Variants in STIM1 observed in about 807,000 individuals in gnomAD.
STIM1 encodes the protein stromal interaction molecule 1.
In STIM1, 25 loss-of-function variants were observed where a neutral mutation model predicts 74.7. The ratio of observed to expected loss-of-function variants is 0.33; its 90% confidence interval spans 0.24 to 0.47. The LOEUF (loss-of-function observed/expected upper bound fraction) is 0.47, where lower values mean the gene tolerates loss of function less well. STIM1 is among the 20% of genes least tolerant of loss of function. The pLI, the probability that STIM1 is intolerant of heterozygous loss-of-function variation, is 1.00. For synonymous variants in STIM1, 328 were observed against 348.8 expected (o/e 0.94, Z 0.66); for missense variants, 728 against 920.8 (o/e 0.79, Z 2.71).
At chr11:3,870,028 G>A (rs2091022805) in intron 1 of STIM1, among the ~76,000 whole-genome samples, 1 of 152,186 alleles carries the variant, frequency 6.6e-6, no homozygotes. Flanking sequence ...CAGTGCTAGG[G>A]GATGATTAGT....
At chr11:3,880,460 G>A (rs1355936166) in intron 1 of STIM1, among the ~76,000 whole-genome samples, 3 of 152,160 alleles carry the variant, frequency 2.0e-5, no homozygotes, top group Non-Finnish European at 4.4e-5. Flanking sequence ...ATAGTTTGTG[G>A]ACAGCTGGGG....
At chr11:3,969,103 A>G (rs2093367161) in intron 2 of STIM1, among the ~76,000 whole-genome samples, 1 of 152,214 alleles carries the variant, frequency 6.6e-6, no homozygotes, top group South Asian at 2.1e-4. Flanking sequence ...TAAAGAATTG[A>G]CTAATAGTGA....
chr11:3,861,425 A>G (rs1272076334), intron 1 of STIM1, among the ~76,000 whole-genome samples: 3 of 152,026 alleles, frequency 2.0e-5, no homozygotes, highest in Non-Finnish European at 4.4e-5. Context: ...TAGTAGAGAC[A>G]GGGTTTCACC....
intron 7 of STIM1, among the ~76,000 whole-genome samples, chr11:4,076,233 C>T (rs765940334): frequency 9.9e-5 from 15 of 151,898 alleles, no homozygotes; most frequent in Admixed American, 2.6e-4. Flanking sequence ...TGACTGTAAT[C>T]GCAGCAGTTT....
In STIM1 at chr11:3,902,435, G is replaced by A. The variant is rs149732868; in HGVS notation, c.139+46026G>A. On this transcript the variant is annotated intron_variant, in intron 1 of 12. Transcript: ENST00000526596. ...CAAGATAATTTTTCCACAGACCAGG[G>A]TGCGGGGTGGGGATGATTTTGGGAT... 2.8e-3 allele frequency among the ~76,000 whole-genome samples: 425 copies of A among 152,294 alleles called. 2 individuals carry two copies. Among genetic ancestry groups the A allele is most frequent in the Non-Finnish European group, 4.4e-3 (299 of 68,014 alleles).
chr11:4,089,800 TG>T (rs1305918045), intron 12 of STIM1, among the ~76,000 whole-genome samples: 3 of 152,230 alleles, frequency 2.0e-5, no homozygotes, highest in Non-Finnish European at 4.4e-5. Context: ...GGTCCTATGG[TG>T]GTCTCCTTTT....
At chr11:3,863,231 T>C (rs2090703876) in intron 1 of STIM1, among the ~76,000 whole-genome samples, 1 of 60,186 alleles carries the variant, frequency 1.7e-5, no homozygotes, top group African/African-American at 9.5e-5. Context: ...TGTGTGTGTG[T>C]GTGTGTGTGT....
chr11:4,037,442 C>T (rs2094113365), intron 3 of STIM1, among the ~76,000 whole-genome samples: 1 of 152,132 alleles, frequency 6.6e-6, no homozygotes, highest in Admixed American at 6.6e-5. Context: ...GTTTCTGGTT[C>T]ACGTATTTTG....
At chr11:3,989,878 T>TA (rs1020464433) in intron 2 of STIM1, among the ~76,000 whole-genome samples, 5 of 152,202 alleles carry the variant, frequency 3.3e-5, no homozygotes, top group Non-Finnish European at 7.3e-5. Flanking sequence ...CTATCAATTT[T>TA]AAAAAAACAG....
chr11:3,939,015 T>A (rs1489333453), intron 1 of STIM1, among the ~76,000 whole-genome samples: 1 of 152,232 alleles, frequency 6.6e-6, no homozygotes, highest in African/African-American at 2.4e-5. Flanking sequence ...AGCAAGGTAC[T>A]GTTCTCCCTT....
At chr11:3,949,587 A>G (rs1349324693) in intron 1 of STIM1, among the ~76,000 whole-genome samples, 1 of 152,204 alleles carries the variant, frequency 6.6e-6, no homozygotes, top group Non-Finnish European at 1.5e-5. Context: ...AAGCACACCT[A>G]TCATTACATG....
chr11:4,074,285 G>C (rs2094424090), intron 6 of STIM1, among the ~76,000 whole-genome samples: 1 of 152,234 alleles, frequency 6.6e-6, no homozygotes, highest in African/African-American at 2.4e-5. Context: ...TCATAGCCTT[G>C]ATTACTGGCA....
intron 5 of STIM1, among the ~76,000 whole-genome samples, chr11:4,063,565 T>A (rs139138689): frequency 7.0e-4 from 106 of 152,380 alleles, no homozygotes; most frequent in African/African-American, 2.4e-3. Flanking sequence ...ACATAACTTT[T>A]ATCACTGGGA....
At chr11:3,995,159 G>A (rs1368535999) in intron 2 of STIM1, among the ~76,000 whole-genome samples, 1 of 151,226 alleles carries the variant, frequency 6.6e-6, no homozygotes, top group Non-Finnish European at 1.5e-5. Flanking sequence ...CTGACATCTG[G>A]TCCCTCTTAC....
At chr11:3,945,301 G>A (rs890332041) in intron 1 of STIM1, among the ~76,000 whole-genome samples, 5 of 152,194 alleles carry the variant, frequency 3.3e-5, no homozygotes, top group African/African-American at 1.2e-4. Flanking sequence ...TGTAGGCTGG[G>A]CATGGTGGCT....
chr11:3,991,974 A>AAAAAAAAAAAAAAAAAAAAAAAG (rs2093617447), intron 2 of STIM1, among the ~76,000 whole-genome samples: 9 of 44,476 alleles, frequency 2.0e-4, no homozygotes, highest in Non-Finnish European at 3.4e-4. Flanking sequence ...AAAAAAAAAG[A>AAAAAAAAAAAAAAAAAAAAAAAG]AAAAAAAAAA....
intron 3 of STIM1, among the ~76,000 whole-genome samples, chr11:4,046,424 T>C (rs1009756255): frequency 6.6e-6 from 1 of 152,160 alleles, no homozygotes; most frequent in Non-Finnish European, 1.5e-5. Flanking sequence ...CCTCATTTCC[T>C]TCCCCTGCCA....
intron 1 of STIM1, among the ~76,000 whole-genome samples, chr11:3,876,035 T>C (rs1043234565): frequency 6.6e-6 from 1 of 152,220 alleles, no homozygotes; most frequent in Non-Finnish European, 1.5e-5. Context: ...AACTGTGCTG[T>C]GGCTCAGTTC....
chr11:3,971,373 C>A (rs2093392498), intron 2 of STIM1, among the ~76,000 whole-genome samples: 1 of 151,918 alleles, frequency 6.6e-6, no homozygotes, highest in African/African-American at 2.4e-5. Flanking sequence ...ACTAAAAATA[C>A]AAAAAATTCT....
Sources: gnomAD v4.1 joint callset for allele counts (sites outside exome capture counted in the v4.1 genomes callset) on GRCh38, gnomAD v4.1.1 for gene constraint, MANE v1.5 for transcripts, NCBI Gene and HGNC (gene_info 2026-07-23, HGNC 2026-07-21) for gene names.